Variants in PRELID2 observed in about 807,000 individuals in gnomAD.
PRELID2 encodes PRELI domain containing 2.
Under a neutral mutation model 28.4 loss-of-function variants are expected in PRELID2, and 25 were observed. That is an observed-to-expected ratio of 0.88 (90% CI 0.64 to 1.23). The LOEUF is 1.23. Ranked by LOEUF, PRELID2 falls within the 50% of genes most tolerant of loss-of-function variation. The pLI, the probability that PRELID2 is intolerant of heterozygous loss-of-function variation, is 0.00. For missense variants in PRELID2, 201 were observed against 214.4 expected, an observed-to-expected ratio of 0.94 and a Z score of 0.39; for synonymous variants, 76 against 71.6, an observed-to-expected ratio of 1.06 and a Z score of -0.31.
chr5:145,602,855 G>A (rs911246024), intron 1 of PRELID2, among the ~76,000 whole-genome samples: 5 of 151,790 alleles, frequency 3.3e-5, no homozygotes, highest in African/African-American at 1.2e-4. Context: ...AGTTCGAGAT[G>A]AGCCTGGCCA....
At chr5:145,315,005 T>C in the PRELID2 span, among the ~76,000 whole-genome samples, 1 of 151,746 alleles carries the variant, frequency 6.6e-6, no homozygotes, top group African/African-American at 2.4e-5. Context: ...GGTAAGTAAA[T>C]TTGGAAGGTT....
At chr5:145,567,343 A>ATGGTTTGGTTTGGTT (rs70998025) in intron 1 of PRELID2, among the ~76,000 whole-genome samples, 2,979 of 146,246 alleles carry the variant, frequency 0.02, 113 homozygotes, top group African/African-American at 0.071. Context: ...ATGAGATCTG[A>ATGGTTTGGTTTGGTT]TGGTTTGGTT....
the PRELID2 span, among the ~76,000 whole-genome samples, chr5:145,291,337 GAAAA>G: frequency 2.4e-4 from 10 of 41,734 alleles, no homozygotes; most frequent in East Asian, 8.0e-4. Flanking sequence ...CTCTGTTTCA[GAAAA>G]AAAAAAAAAA....
intron 1 of PRELID2, chr5:145,473,409 A>C (rs1752070974): frequency 1.3e-5 from 2 of 152,212 alleles, no homozygotes. Flanking sequence ...ATAGGATTCC[A>C]AAGCAGTAGT....
chr5:145,478,677 T>C (rs1413158882), intron 1 of PRELID2, among the ~76,000 whole-genome samples: 1 of 152,250 alleles, frequency 6.6e-6, no homozygotes, highest in East Asian at 1.9e-4. Context: ...ATTAATTTTA[T>C]CTGCCTCCTC....
intron 1 of PRELID2, among the ~76,000 whole-genome samples, chr5:145,696,727 G>T (rs1258495106): frequency 6.6e-6 from 1 of 151,886 alleles, no homozygotes; most frequent in Non-Finnish European, 1.5e-5. Context: ...GCCTCCCAAA[G>T]TGCTGGGATT....
intron 1 of PRELID2, among the ~76,000 whole-genome samples, chr5:145,595,486 A>G (rs1753292259): frequency 6.6e-6 from 1 of 152,196 alleles, no homozygotes; most frequent in Non-Finnish European, 1.5e-5. Context: ...AGTTCTATAC[A>G]TTCATGCATC....
At chr5:145,671,844 G>C (rs545672735) in intron 1 of PRELID2, among the ~76,000 whole-genome samples, 1 of 152,124 alleles carries the variant, frequency 6.6e-6, no homozygotes, top group Admixed American at 6.6e-5. Context: ...ACCAAGAAAC[G>C]CAAGTGTAAC....
At chr5:145,316,016 A>G in the PRELID2 span, among the ~76,000 whole-genome samples, 1 of 152,294 alleles carries the variant, frequency 6.6e-6, no homozygotes, top group African/African-American at 2.4e-5. Context: ...TATCTATATG[A>G]TGGAAATACT....
chr5:145,614,706 T>C (rs1292771924), intron 1 of PRELID2, among the ~76,000 whole-genome samples: 1 of 152,220 alleles, frequency 6.6e-6, no homozygotes, highest in African/African-American at 2.4e-5. Context: ...CTGAATTATT[T>C]ATACGTTCTA....
At chr5:145,623,676 C>T (rs1753804442) in intron 1 of PRELID2, among the ~76,000 whole-genome samples, 1 of 152,108 alleles carries the variant, frequency 6.6e-6, no homozygotes. Flanking sequence ...TAGATATCCA[C>T]ACCTTGTGGA....
At chr5:145,684,840 G>T (rs1433153013) in intron 1 of PRELID2, among the ~76,000 whole-genome samples, 3 of 152,134 alleles carry the variant, frequency 2.0e-5, no homozygotes, top group Non-Finnish European at 4.4e-5. Context: ...CACCACTAAG[G>T]CAATAACAGT....
intron 5 of PRELID2, 35 bp from the exon 6 acceptor site, chr5:145,765,035 A>G (rs1757663914): frequency 1.4e-6 from 2 of 1,411,236 alleles, no homozygotes; most frequent in African/African-American, 1.4e-5. Flanking sequence ...AAAATGCCCT[A>G]TTTCACAGAC....
intron 1 of PRELID2, among the ~76,000 whole-genome samples, chr5:145,540,126 C>A (rs913085801): frequency 4.6e-5 from 7 of 151,930 alleles, no homozygotes; most frequent in African/African-American, 1.7e-4. Flanking sequence ...TCAACCCTAA[C>A]CCTTCTAACC....
the PRELID2 span, among the ~76,000 whole-genome samples, chr5:145,447,439 C>CT: frequency 0.25 from 34,209 of 136,182 alleles, 4,106 homozygotes; most frequent in South Asian, 0.38. Flanking sequence ...GAAATCTTTT[C>CT]TTTTTTTTTT....
At chr5:145,819,344 T>C (rs770634988) in intron 3 of PRELID2, 13 of 1,474,852 alleles carry the variant, frequency 8.8e-6, no homozygotes, top group Admixed American at 1.7e-5. Context: ...AATCCCTCTA[T>C]GGGTCAAGCA....
chr5:145,395,571 C>T, the PRELID2 span, among the ~76,000 whole-genome samples: 1 of 152,128 alleles, frequency 6.6e-6, no homozygotes, highest in South Asian at 2.1e-4. Flanking sequence ...TCCAGCCACT[C>T]CATTTGCTTT....
At chr5:145,252,146 A>G in the PRELID2 span, among the ~76,000 whole-genome samples, 1 of 151,952 alleles carries the variant, frequency 6.6e-6, no homozygotes, top group South Asian at 2.1e-4. Flanking sequence ...ACATATGCTG[A>G]CTCTCAGGTT....
At chr5:145,809,118 T>C (rs1753758706) in intron 4 of PRELID2, among the ~76,000 whole-genome samples, 1 of 147,256 alleles carries the variant, frequency 6.8e-6, no homozygotes, top group Non-Finnish European at 1.5e-5. Flanking sequence ...TTCACTGTAA[T>C]CTCCGCCTCC....
Sources: gnomAD v4.1 joint callset for allele counts (sites outside exome capture counted in the v4.1 genomes callset) on GRCh38, gnomAD v4.1.1 for gene constraint, MANE v1.5 for transcripts, NCBI Gene and HGNC (gene_info 2026-07-23, HGNC 2026-07-21) for gene names.